The following EXT2 variants were observed in gnomAD, a reference collection of about 807,000 sequenced individuals.
EXT2 encodes the protein exostosin-2.
Under a neutral mutation model 81.6 loss-of-function variants are expected in EXT2, and 53 were observed. That is an observed-to-expected ratio of 0.65 (90% confidence interval 0.52 to 0.82). The LOEUF is 0.82. EXT2 is among the 40% of genes least tolerant of loss of function. EXT2 has a pLI of 0.00. For synonymous variants in EXT2, 320 were observed against 340.0 expected (o/e 0.94, Z 0.65); for missense variants, 774 against 910.2 (o/e 0.85, Z 1.93).
chr11:44,236,396 A>G, intron 13 of EXT2, 21 bp downstream of exon 13: 2 of 1,610,558 alleles, frequency 1.2e-6, no homozygotes, highest in South Asian at 2.2e-5. Context: ...CTCCAACCAA[A>G]AGTGCGCCTT....
intron 10 of EXT2, among the ~76,000 whole-genome samples, chr11:44,215,176 A>G (rs1348210547): frequency 1.3e-5 from 2 of 152,116 alleles, no homozygotes; most frequent in African/African-American, 4.8e-5. Flanking sequence ...GTTGTTTTCT[A>G]GCCTTTTGAC....
chr11:44,197,806 C>A, intron 8 of EXT2, 23 bp from the exon 9 acceptor site: 1 of 1,613,044 alleles, frequency 6.2e-7, no homozygotes, highest in Non-Finnish European at 8.5e-7. Flanking sequence ...TTTTCTGACC[C>A]GTGTTAATCT....
chr11:44,101,033 C>A (rs531503577), intron 1 of EXT2, among the ~76,000 whole-genome samples: 18 of 152,158 alleles, frequency 1.2e-4, no homozygotes, highest in African/African-American at 4.3e-4. Context: ...ATTGCCTGAG[C>A]AGGAAAGCAG....
At chr11:44,239,849 C>T (rs183878523) in intron 13 of EXT2, among the ~76,000 whole-genome samples, 61 of 152,148 alleles carry the variant, frequency 4.0e-4, no homozygotes, top group Admixed American at 2.2e-3. Context: ...AGTCATCCCT[C>T]GGTATCCACA....
chr11:44,245,075 C>T lies in EXT2; in HGVS notation c.*788C>T. On this transcript the variant is annotated 3_prime_UTR_variant, in exon 14 of 14. Coordinates refer to ENST00000533608, the MANE Select transcript of EXT2 (RefSeq NM_207122.2). Reference sequence around the variant, plus strand: ...CAGGAGGAATGTCTGATACCCTCTGCATCAAGCGTAAGAAGGTCCCAAATC... The same window carrying T: ...CAGGAGGAATGTCTGATACCCTCTGTATCAAGCGTAAGAAGGTCCCAAATC... 1 of 231,510 alleles carries T rather than the reference C, an allele frequency of 4.3e-6. No individual in the cohort carries two copies. The highest frequency in any genetic ancestry group is 6.1e-5 in the East Asian group (1 of 16,402). The allele number at this position is 231,510 out of a possible 1,614,324, so 14.3% of individuals were successfully genotyped here. A position where few individuals can be genotyped will look rare whatever the true frequency, so the allele number is the denominator to read the frequency against.
chr11:44,114,406 G>A (rs1463700650), intron 4 of EXT2, 105 bp downstream of exon 4: 2 of 1,030,350 alleles, frequency 1.9e-6, no homozygotes, highest in East Asian at 2.4e-5. Context: ...CAGTTACAGG[G>A]TAGGGTCCTT....
At chr11:44,105,305 T>G (rs1369836140) in intron 1 of EXT2, among the ~76,000 whole-genome samples, 2 of 152,232 alleles carry the variant, frequency 1.3e-5, no homozygotes, top group African/African-American at 2.4e-5. Context: ...TTTTATTTTA[T>G]TTTTTGAGAA....
chr11:44,186,312 T>A (rs1292037870), intron 8 of EXT2, among the ~76,000 whole-genome samples: 1 of 152,226 alleles, frequency 6.6e-6, no homozygotes, highest in Non-Finnish European at 1.5e-5. Context: ...ATTAAAAGTA[T>A]CAGCATATGG....
intron 10 of EXT2, among the ~76,000 whole-genome samples, chr11:44,222,624 G>C (rs756791435): frequency 9.2e-5 from 14 of 151,496 alleles, no homozygotes; most frequent in Non-Finnish European, 2.1e-4. Context: ...CACACTACAT[G>C]CAAAAATTAA....
At chr11:44,218,368 A>G (rs1188944622) in intron 10 of EXT2, among the ~76,000 whole-genome samples, 1 of 152,070 alleles carries the variant, frequency 6.6e-6, no homozygotes, top group Non-Finnish European at 1.5e-5. Flanking sequence ...GCAGAGTAGG[A>G]ATTTTGTTTT....
chr11:44,187,259 C>T (rs1183410952), intron 8 of EXT2, among the ~76,000 whole-genome samples: 1 of 150,380 alleles, frequency 6.6e-6, no homozygotes, highest in East Asian at 2.0e-4. Flanking sequence ...CTCACTGCAG[C>T]CTCAAACTCC....
chr11:44,189,454 T>C (rs551250343), intron 8 of EXT2, among the ~76,000 whole-genome samples: 43 of 152,304 alleles, frequency 2.8e-4, no homozygotes, highest in African/African-American at 8.9e-4. Flanking sequence ...TTGGCTCTTG[T>C]TTCTGCAGGC....
intron 7 of EXT2, among the ~76,000 whole-genome samples, chr11:44,150,753 T>C (rs1462423493): frequency 6.6e-6 from 1 of 152,176 alleles, no homozygotes; most frequent in Non-Finnish European, 1.5e-5. Flanking sequence ...GGCCTTACTC[T>C]AGAGGAAATT....
In EXT2 at chr11:44,230,286, A is replaced by G. The variant is rs114633830; in HGVS notation, c.1663-2067A>G. 3.9e-3 allele frequency among the ~76,000 whole-genome samples: 590 copies of G among 152,300 alleles called. 6 individuals carry two copies. Among genetic ancestry groups the G allele is most frequent in the African/African-American group, 0.014 (565 of 41,552 alleles). Reference sequence around the variant, plus strand: ...CACTGGAGAGTGAGGGGACATGGTGAGAGAAGAGGTGAAGAGTGGATGGGC... The same window carrying G: ...CACTGGAGAGTGAGGGGACATGGTGGGAGAAGAGGTGAAGAGTGGATGGGC... On this transcript the variant is annotated intron_variant, in intron 10 of 13. Transcript: ENST00000533608.
intron 4 of EXT2, among the ~76,000 whole-genome samples, chr11:44,121,019 A>G (rs190555739): frequency 1.3e-5 from 2 of 152,376 alleles, no homozygotes; most frequent in African/African-American, 2.4e-5. Context: ...TACTCCTTCA[A>G]CCATCTGCCA....
At chr11:44,182,157 A>C (rs1955244981) in intron 8 of EXT2, among the ~76,000 whole-genome samples, 1 of 152,088 alleles carries the variant, frequency 6.6e-6, no homozygotes, top group African/African-American at 2.4e-5. Context: ...TATATTTAGT[A>C]TGGTGCCTCA....
intron 10 of EXT2, among the ~76,000 whole-genome samples, chr11:44,225,270 C>T (rs1313926813): frequency 1.3e-5 from 2 of 152,124 alleles, no homozygotes; most frequent in Non-Finnish European, 2.9e-5. Context: ...GCTTGTGTTT[C>T]CTTCTCTGCC....
At chr11:44,101,443 T>C (rs1271870284) in intron 1 of EXT2, among the ~76,000 whole-genome samples, 3 of 152,328 alleles carry the variant, frequency 2.0e-5, no homozygotes, top group Middle Eastern at 6.8e-3. Context: ...CCACCTCCAA[T>C]GTACAGAATA....
At position 44,249,541 on chromosome 11, in the gene EXT2, A is replaced by G. The variant is rs757132587; in HGVS notation, c.*5254A>G. 1.3e-5 allele frequency among the ~76,000 whole-genome samples: 2 copies of G among 152,234 alleles called. No homozygotes were observed. Among genetic ancestry groups the G allele is most frequent in the Non-Finnish European group, 2.9e-5 (2 of 68,038 alleles). ...GAGGGATCCATATGTCTTAGACCAA[A>G]GCCACCAGTCAGGCCTTGCCACCAT... On this transcript the variant is annotated 3_prime_UTR_variant, in exon 14 of 14. Transcript: ENST00000533608.
Sources: allele counts gnomAD v4.1 joint callset (sites outside exome capture counted in the v4.1 genomes callset), GRCh38; gene constraint gnomAD v4.1.1; transcripts MANE v1.5; gene names NCBI Gene and HGNC (gene_info 2026-07-23, HGNC 2026-07-21).